Variants in RHBDF2 observed in about 807,000 individuals in gnomAD.
RHBDF2 encodes the protein inactive rhomboid protein 2.
RHBDF2 carries 38 observed loss-of-function variants against 95.2 expected under a neutral mutation model. The ratio of observed to expected loss-of-function variants is 0.40; its 90% CI spans 0.31 to 0.52. The LOEUF (loss-of-function observed/expected upper bound fraction) is 0.52, where lower values mean the gene tolerates loss of function less well. Ranked by LOEUF, RHBDF2 falls within the 20% of genes least tolerant of loss-of-function variation. RHBDF2 has a pLI of 0.56. For synonymous variants in RHBDF2, 442 were observed against 462.0 expected (o/e 0.96, Z 0.55); for missense variants, 863 against 1,137.7 (o/e 0.76, Z 3.47).
In RHBDF2 at chr17:76,475,127, T is replaced by C. The variant is rs1161510317; in HGVS notation, c.1130A>G (p.Tyr377Cys). ...GATGACATGGACGAAGGTCAGCCAG[T>C]AGGTGAAGTAGGGCCTGTGCAGAGA... is the stretch of plus-strand genomic sequence containing the variant. ...SFDSHRPYFTYWLTFVHVIIT... is the reference protein window; with the variant it reads ...SFDSHRPYFTCWLTFVHVIIT... Residue 377 changes from tyrosine to cysteine, a missense_variant, in exon 10 of 19, where the codon TAC becomes TGC. Around this residue, in one of 2 missense-constraint regions of RHBDF2, gnomAD observed 611 missense variants for 725.5 expected, o/e 0.84. Coordinates refer to ENST00000675367, the MANE Select transcript of RHBDF2 (RefSeq NM_001005498.4). 1.3e-6 allele frequency: 2 copies of C among 1,593,066 alleles called. No individual in the cohort carries two copies. Among genetic ancestry groups the C allele is most frequent in the African/African-American group, 2.7e-5 (2 of 74,782 alleles).
At chr17:76,489,399 C>G (rs1326441340) in intron 1 of RHBDF2, among the ~76,000 whole-genome samples, 1 of 150,776 alleles carries the variant, frequency 6.6e-6, no homozygotes, top group Non-Finnish European at 1.5e-5. Flanking sequence ...TCTCAGCTCC[C>G]TTCAAGCACC....
chr17:76,476,760 C>T (rs987026888), intron 9 of RHBDF2, 70 bp downstream of exon 9: 35 of 1,483,010 alleles, frequency 2.4e-5, no homozygotes, highest in East Asian at 7.4e-5. Flanking sequence ...AGTAAGGGGG[C>T]GCTTCAGGAG....
At chr17:76,479,455 C>T (rs1458421890) in intron 4 of RHBDF2, 178 bp from the exon 5 acceptor site, 9 of 981,782 alleles carry the variant, frequency 9.2e-6, no homozygotes, top group East Asian at 2.6e-5. Context: ...CAGGGGATGA[C>T]GGGAGCGTGA....
chr17:76,487,942 T>A (rs2074185780), intron 1 of RHBDF2, 33 bp from the exon 2 acceptor site: 1 of 152,312 alleles, frequency 6.6e-6, no homozygotes, highest in South Asian at 2.1e-4. Flanking sequence ...CCAGGGGGCA[T>A]GCCCACCACT....
At position 76,478,798 on chromosome 17, in the gene RHBDF2, C is replaced by A. The variant is rs2073852415; in HGVS notation, c.672+8G>T. 2 of 1,607,088 alleles carry A rather than the reference C, an allele frequency of 1.2e-6. No homozygotes were observed. The highest frequency in any genetic ancestry group is 1.7e-6 in the Non-Finnish European group (2 of 1,176,482). ...GAGGTGGGGGCCCTGCAGGAGGGAG[C>A]CCCGCACCTTGAGGAGGGCAGCGGC... On this transcript the variant is annotated splice_region_variant and intron_variant, in intron 6 of 18. Coordinates refer to ENST00000675367, the MANE Select transcript of RHBDF2 (RefSeq NM_001005498.4).
At chr17:76,488,594 G>A (rs35833474) in intron 1 of RHBDF2, among the ~76,000 whole-genome samples, 58,104 of 151,834 alleles carry the variant, frequency 0.38, 12,184 homozygotes, top group Middle Eastern at 0.49. Context: ...GGAATCATGA[G>A]GTCAAGAGTT....
In RHBDF2 at chr17:76,471,509, C is replaced by T; in HGVS notation, c.*124G>A. ...TCGCCTGGCAGGGGGGCACCCAGGTCCAGAGCCCGGGCCCTGTCTTGGGTC... is the reference window on the plus strand; with the variant it reads ...TCGCCTGGCAGGGGGGCACCCAGGTTCAGAGCCCGGGCCCTGTCTTGGGTC... On this transcript the variant is annotated 3_prime_UTR_variant, in exon 19 of 19. Transcript: ENST00000675367. The T allele has an allele frequency of 8.7e-7, 1 of 1,152,770 alleles. No individual in the cohort carries two copies. The highest frequency in any genetic ancestry group is 1.2e-6 in the Non-Finnish European group (1 of 833,334). 71.4% of individuals were successfully genotyped at this position (1,152,770 alleles called of 1,614,324 possible).
At chr17:76,484,093 C>T (rs915752916) in intron 2 of RHBDF2, among the ~76,000 whole-genome samples, 10 of 152,066 alleles carry the variant, frequency 6.6e-5, no homozygotes, top group Admixed American at 2.0e-4. Context: ...GAAACCCCGT[C>T]TCTACTAAAA....
Position 76,489,610 on chromosome 17 carries a change from A to G in RHBDF2, c.-219-1701T>C, listed in dbSNP as rs1598159397. ...AGTGCTGGGATTACAGGCGTGAGCC[A>G]CCGCGCCCAGCCGCCTGTTTGTTTT... On this transcript the variant is annotated intron_variant, in intron 1 of 18. Coordinates refer to ENST00000675367, the MANE Select transcript of RHBDF2 (RefSeq NM_001005498.4). Among the ~76,000 whole-genome samples the G allele has an allele frequency of 1.3e-5, 2 of 152,300 alleles. 1 individual carries two copies. The highest frequency in any genetic ancestry group is 6.8e-3 in the Middle Eastern group (2 of 294).
intron 2 of RHBDF2, among the ~76,000 whole-genome samples, chr17:76,483,301 T>C (rs1041865716): frequency 1.3e-5 from 2 of 151,838 alleles, no homozygotes; most frequent in African/African-American, 4.8e-5. Flanking sequence ...TTTCTTTTTT[T>C]TTGTGATGGG....
intron 9 of RHBDF2, among the ~76,000 whole-genome samples, chr17:76,475,527 T>G (rs981277480): frequency 1.3e-5 from 2 of 151,812 alleles, no homozygotes; most frequent in Admixed American, 1.3e-4. Flanking sequence ...CTGTTCACTC[T>G]CCCTCTCTAT....
chr17:76,483,093 C>T (rs893345371), intron 2 of RHBDF2, among the ~76,000 whole-genome samples: 20 of 152,026 alleles, frequency 1.3e-4, no homozygotes, highest in African/African-American at 4.1e-4. Flanking sequence ...CACTTGAACC[C>T]GAGAGGAAGA....
intron 1 of RHBDF2, among the ~76,000 whole-genome samples, chr17:76,500,059 T>C (rs2074540103): frequency 6.6e-6 from 1 of 152,158 alleles, no homozygotes; most frequent in Admixed American, 6.5e-5. Context: ...TTCAGGTTTA[T>C]TCCAAGTTCC....
chr17:76,472,443 C>T (rs555887658), intron 18 of RHBDF2: 2 of 623,326 alleles, frequency 3.2e-6, no homozygotes, highest in South Asian at 3.7e-5. Flanking sequence ...TACTGTCAGG[C>T]AGTGGGCACG....
intron 2 of RHBDF2, among the ~76,000 whole-genome samples, chr17:76,483,269 G>A (rs1295534415): frequency 6.6e-6 from 1 of 152,138 alleles, no homozygotes; most frequent in South Asian, 2.1e-4. Context: ...AACACATACG[G>A]ACAGACCTAC....
intron 1 of RHBDF2, among the ~76,000 whole-genome samples, chr17:76,493,438 C>T (rs1293466315): frequency 1.3e-5 from 2 of 152,174 alleles, no homozygotes; most frequent in Non-Finnish European, 2.9e-5. Context: ...AGTGACGCTG[C>T]CCTGGCAAGA....
chr17:76,498,036 C>T (rs1379744392), intron 1 of RHBDF2, among the ~76,000 whole-genome samples: 2 of 152,206 alleles, frequency 1.3e-5, no homozygotes, highest in Non-Finnish European at 2.9e-5. Context: ...GATACATTTG[C>T]TGAAGGAGGG....
chr17:76,472,944 A>G, intron 17 of RHBDF2, 61 bp downstream of exon 17: 2 of 1,600,848 alleles, frequency 1.2e-6, no homozygotes, highest in Non-Finnish European at 1.7e-6. Context: ...ACCTTTCCCC[A>G]GGGGTCCGGC....
intron 2 of RHBDF2, among the ~76,000 whole-genome samples, chr17:76,484,005 T>TA (rs2074048375): frequency 6.6e-6 from 1 of 152,146 alleles, no homozygotes; most frequent in Non-Finnish European, 1.5e-5. Flanking sequence ...CTCATGCCTG[T>TA]ACTCCCAGCA....
Sources: gnomAD v4.1 joint callset for allele counts (sites outside exome capture counted in the v4.1 genomes callset) on GRCh38, gnomAD v4.1.1 for gene constraint, gnomAD v4.1.1 regional missense constraint, MANE v1.5 for transcripts, NCBI Gene and HGNC (gene_info 2026-07-23, HGNC 2026-07-21) for gene names.